EPS15: variants seen among roughly 807,000 people sequenced by gnomAD.
The protein encoded by EPS15 is epidermal growth factor receptor pathway substrate 15.
Under a neutral mutation model 113.8 loss-of-function variants are expected in EPS15, and 72 were observed. The observed-to-expected ratio is 0.63, with a 90% CI of 0.52 to 0.77. EPS15 has a LOEUF of 0.77. EPS15 is among the 30% of genes least tolerant of loss of function. The pLI is 0.00. For missense variants in EPS15, 1,048 were observed against 1,045.8 expected (o/e 1.00, Z -0.03); for synonymous variants, 344 against 363.4 (o/e 0.95, Z 0.61).
At chr1:51,439,537 AATT>A (rs1652422082) in intron 12 of EPS15, among the ~76,000 whole-genome samples, 1 of 152,094 alleles carries the variant, frequency 6.6e-6, no homozygotes, top group Admixed American at 6.5e-5. Context: ...TAGACAGAAA[AATT>A]ATCTCACTTT....
intron 1 of EPS15, among the ~76,000 whole-genome samples, chr1:51,500,249 A>C (rs1412609550): frequency 1.3e-5 from 2 of 152,236 alleles, no homozygotes; most frequent in African/African-American, 4.8e-5. Context: ...ATGCTGCTAT[A>C]AACACTGGTA....
At chr1:51,434,253 T>C (rs2148466525) in intron 12 of EPS15, among the ~76,000 whole-genome samples, 1 of 152,326 alleles carries the variant, frequency 6.6e-6, no homozygotes, top group South Asian at 2.1e-4. Flanking sequence ...TTCATGTTCA[T>C]AGCAGCGTTA....
chr1:51,401,443 G>A (rs1311198912), intron 18 of EPS15, among the ~76,000 whole-genome samples: 2 of 152,126 alleles, frequency 1.3e-5, no homozygotes, highest in Admixed American at 1.3e-4. Flanking sequence ...AATGAAGCTC[G>A]ACCTCTATCT....
At chr1:51,499,524 T>C (rs565133859) in intron 1 of EPS15, among the ~76,000 whole-genome samples, 1 of 152,290 alleles carries the variant, frequency 6.6e-6, no homozygotes, top group South Asian at 2.1e-4. Context: ...ATTTTGAATT[T>C]TTTTCAGGAA....
chr1:51,437,925 A>G (rs538156671), intron 12 of EPS15, among the ~76,000 whole-genome samples: 4 of 152,152 alleles, frequency 2.6e-5, no homozygotes, highest in Admixed American at 2.0e-4. Flanking sequence ...ACATCCTTAT[A>G]TATTAATAAA....
At chr1:51,496,560 A>C (rs1455119829) in intron 1 of EPS15, among the ~76,000 whole-genome samples, 1 of 152,220 alleles carries the variant, frequency 6.6e-6, no homozygotes, top group Non-Finnish European at 1.5e-5. Context: ...AACAAACATT[A>C]AGTCAAAGCT....
At chr1:51,384,298 C>CTTTTTTTTTTTTTTTTTTTT (rs67265512) in intron 21 of EPS15, among the ~76,000 whole-genome samples, 3 of 99,528 alleles carry the variant, frequency 3.0e-5, no homozygotes, top group South Asian at 3.0e-4. Context: ...TTCTTTCTTT[C>CTTTTTTTTTTTTTTTTTTTT]TTTTTTTTTT....
intron 13 of EPS15, among the ~76,000 whole-genome samples, chr1:51,418,228 A>G (rs1650420888): frequency 6.6e-6 from 1 of 152,124 alleles, no homozygotes; most frequent in African/African-American, 2.4e-5. Flanking sequence ...TGTTATCAGC[A>G]TATGGATGAC....
At chr1:51,424,427 C>G (rs1557455566) in intron 12 of EPS15, among the ~76,000 whole-genome samples, 1 of 152,094 alleles carries the variant, frequency 6.6e-6, no homozygotes, top group Non-Finnish European at 1.5e-5. Flanking sequence ...TAATTTTGAA[C>G]ATGTATATTT....
chr1:51,506,884 G>A (rs1188070253), intron 1 of EPS15, among the ~76,000 whole-genome samples: 1 of 151,864 alleles, frequency 6.6e-6, no homozygotes, highest in Non-Finnish European at 1.5e-5. Flanking sequence ...GCAGAGAAGG[G>A]TGAAAACTGT....
chr1:51,418,490 A>G (rs761587454), intron 13 of EPS15, among the ~76,000 whole-genome samples: 4 of 152,086 alleles, frequency 2.6e-5, no homozygotes, highest in Non-Finnish European at 4.4e-5. Context: ...GTTGCTACAA[A>G]GATAGGAAGG....
At position 51,519,241 on chromosome 1, in the gene EPS15, A is replaced by G; in HGVS notation, c.-10T>C. The G allele has an allele frequency of 7.6e-7, 1 of 1,311,850 alleles. No homozygotes were observed. The highest frequency in any genetic ancestry group is 9.9e-7 in the Non-Finnish European group (1 of 1,009,700). 81.3% of individuals were successfully genotyped at this position (1,311,850 alleles called of 1,614,324 possible). On this transcript the variant is annotated 5_prime_UTR_variant, in exon 1 of 25. An upstream start codon of the reference 5' UTR is lost. Coordinates refer to ENST00000371733, the MANE Select transcript of EPS15 (RefSeq NM_001981.3). Reference sequence around the variant, plus strand: ...GGGCCGCCGCAGCCATGGTGTTTCCATCATGCAAGGGAGGGGAAGGAAGAC... The same window carrying G: ...GGGCCGCCGCAGCCATGGTGTTTCCGTCATGCAAGGGAGGGGAAGGAAGAC...
At chr1:51,494,610 T>C (rs955520294) in intron 1 of EPS15, among the ~76,000 whole-genome samples, 3 of 152,196 alleles carry the variant, frequency 2.0e-5, no homozygotes, top group Admixed American at 2.0e-4. Context: ...ACAAGGGCCA[T>C]AACAAAGTAC....
intron 7 of EPS15, among the ~76,000 whole-genome samples, 197 bp from the exon 8 acceptor site, chr1:51,461,347 C>T (rs1298547069): frequency 6.6e-6 from 1 of 151,788 alleles, no homozygotes; most frequent in Non-Finnish European, 1.5e-5. Context: ...GAGATCCCAT[C>T]TCTACAAAAG....
At chr1:51,401,041 A>G in intron 18 of EPS15, 88 bp from the exon 19 acceptor site, 1 of 817,152 alleles carries the variant, frequency 1.2e-6, no homozygotes. Context: ...AAACAAAAGC[A>G]AAGCAAAGTT....
chr1:51,481,758 G>A (rs764028865), intron 1 of EPS15, among the ~76,000 whole-genome samples: 4 of 152,184 alleles, frequency 2.6e-5, no homozygotes, highest in Non-Finnish European at 5.9e-5. Context: ...CTGACATACA[G>A]AAAGGTAGTG....
At chr1:51,505,822 GTC>G (rs1380576568) in intron 1 of EPS15, among the ~76,000 whole-genome samples, 1 of 151,880 alleles carries the variant, frequency 6.6e-6, no homozygotes, top group African/African-American at 2.4e-5. Flanking sequence ...TTGAGATGGA[GTC>G]TCTGTCATCC....
At chr1:51,392,038 A>C (rs72694170) in intron 21 of EPS15, among the ~76,000 whole-genome samples, 191 of 152,316 alleles carry the variant, frequency 1.3e-3, no homozygotes, top group Admixed American at 3.4e-3. Flanking sequence ...AGTTCCCCCA[A>C]GGGAGTACAG....
intron 12 of EPS15, among the ~76,000 whole-genome samples, chr1:51,426,835 C>CTATA (rs1388465399): frequency 4.2e-4 from 59 of 139,492 alleles, no homozygotes; most frequent in African/African-American, 1.6e-3. Context: ...CTCTCTCTCT[C>CTATA]TCTATATATA....
Sources: allele counts gnomAD v4.1 joint callset (sites outside exome capture counted in the v4.1 genomes callset), GRCh38; gene constraint gnomAD v4.1.1; transcripts MANE v1.5; gene names NCBI Gene and HGNC (gene_info 2026-07-23, HGNC 2026-07-21).